Variants in NCK1 observed in about 807,000 individuals in gnomAD.
NCK1 encodes the protein NCK adaptor protein 1.
In NCK1, 19 loss-of-function variants were observed where a neutral mutation model predicts 36.6. The observed-to-expected ratio is 0.52, with a 90% CI of 0.36 to 0.76. NCK1 has a LOEUF of 0.76. Ranked by LOEUF, NCK1 falls within the 30% of genes least tolerant of loss-of-function variation. The pLI, the probability that NCK1 is intolerant of heterozygous loss-of-function variation, is 0.00. For synonymous variants in NCK1, 165 were observed against 156.0 expected, an observed-to-expected ratio of 1.06 and a Z score of -0.43; for missense variants, 358 against 445.6, an observed-to-expected ratio of 0.80 and a Z score of 1.77.
In NCK1 at chr3:136,946,246, A is replaced by G; in HGVS notation, c.890A>G (p.Asn297Ser). 6.2e-7 allele frequency: 1 copy of G among 1,613,526 alleles called. No homozygotes were observed. The highest frequency in any genetic ancestry group is 1.1e-5 in the South Asian group (1 of 91,050). Reference protein sequence around the residue: ...VTRHQAEMALNERGHEGDFLI... With the variant: ...VTRHQAEMALSERGHEGDFLI... ...AGGCATCAAGCAGAAATGGCATTAA[A>G]TGAAAGAGGACATGAAGGGGATTTC... The change falls in exon 3 of 4, where the codon AAT becomes AGT. Residue 297 changes from asparagine (N) to serine (S), a missense_variant. Transcript: ENST00000481752.
intron 2 of NCK1, among the ~76,000 whole-genome samples, chr3:136,942,096 C>T (rs1940693985): frequency 6.6e-6 from 1 of 152,186 alleles, no homozygotes; most frequent in South Asian, 2.1e-4. Flanking sequence ...CCGCTGTCTC[C>T]CAAAGTGCTG....
In NCK1 at chr3:136,935,740, T is replaced by A. The variant is rs550185058; in HGVS notation, c.226+7513T>A. 1.5e-4 allele frequency among the ~76,000 whole-genome samples: 23 copies of A among 152,336 alleles called. No individual in the cohort carries two copies. In the South Asian group the frequency reaches 4.8e-3, roughly 32 times the overall value. ...AGGTAAAATTTGTATAACATAAAAT[T>A]AACCATTTTAAAGTATGTAATTCAG... On this transcript the variant is annotated intron_variant, in intron 2 of 3. Transcript: ENST00000481752.
At chr3:136,938,704 G>A (rs1193217594) in intron 2 of NCK1, among the ~76,000 whole-genome samples, 1 of 152,180 alleles carries the variant, frequency 6.6e-6, no homozygotes, top group African/African-American at 2.4e-5. Flanking sequence ...TGAATTCTAT[G>A]TTAATCACAA....
intron 1 of NCK1, among the ~76,000 whole-genome samples, chr3:136,864,064 G>T (rs1432939137): frequency 6.6e-6 from 1 of 151,510 alleles, no homozygotes; most frequent in Non-Finnish European, 1.5e-5. Flanking sequence ...TCGCGCCACT[G>T]CACTCCAGCC....
chr3:136,876,416 TAAAGA>T (rs966966277), intron 1 of NCK1, among the ~76,000 whole-genome samples: 15 of 151,780 alleles, frequency 9.9e-5, no homozygotes, highest in African/African-American at 2.9e-4. Context: ...GCAAGACTAA[TAAAGA>T]AAAAGAGAAG....
chr3:136,872,570 G>A (rs189855790), intron 1 of NCK1, among the ~76,000 whole-genome samples: 1 of 152,306 alleles, frequency 6.6e-6, no homozygotes, highest in East Asian at 1.9e-4. Context: ...CATAGGTAAT[G>A]AGGAGCTGAA....
At chr3:136,939,365 TCTAG>T (rs1940612511) in intron 2 of NCK1, among the ~76,000 whole-genome samples, 1 of 152,178 alleles carries the variant, frequency 6.6e-6, no homozygotes, top group Non-Finnish European at 1.5e-5. Context: ...CTCTTGTTGG[TCTAG>T]CTAAAGAGTT....
chr3:136,891,244 C>T (rs1485867372), intron 1 of NCK1, among the ~76,000 whole-genome samples: 2 of 152,350 alleles, frequency 1.3e-5, no homozygotes, highest in South Asian at 2.1e-4. Flanking sequence ...AAGTAATTCT[C>T]CTGCCTCAGC....
chr3:136,887,032 C>CG (rs1357809028), intron 1 of NCK1, among the ~76,000 whole-genome samples: 2 of 151,936 alleles, frequency 1.3e-5, no homozygotes, highest in Non-Finnish European at 2.9e-5. Flanking sequence ...TTAGTAGAGA[C>CG]GGGGTTTCAT....
intron 2 of NCK1, among the ~76,000 whole-genome samples, chr3:136,942,861 C>CT (rs1473558479): frequency 1.2e-4 from 19 of 152,212 alleles, no homozygotes; most frequent in Non-Finnish European, 1.5e-5. Flanking sequence ...GGAAGACTCC[C>CT]TATGCCTGGG....
At position 136,950,119 on chromosome 3, in the gene NCK1, A is replaced by G. The variant is rs1940934296; in HGVS notation, c.*1666A>G. ...ATGCTTATCTTTGCTGTAAAATCAAATGAATATAAATTGAGGAAAACTTTA... is the reference window on the plus strand; with the variant it reads ...ATGCTTATCTTTGCTGTAAAATCAAGTGAATATAAATTGAGGAAAACTTTA... On this transcript the variant is annotated 3_prime_UTR_variant, in exon 4 of 4. Transcript: ENST00000481752. Among the ~76,000 whole-genome samples, 1 of 152,160 alleles carries G rather than the reference A, an allele frequency of 6.6e-6. No individual in the cohort carries two copies.
chr3:136,920,016 A>G (rs1376840993), intron 1 of NCK1, among the ~76,000 whole-genome samples: 1 of 152,126 alleles, frequency 6.6e-6, no homozygotes, highest in Non-Finnish European at 1.5e-5. Context: ...AGGGGGAGAA[A>G]GTCCCCAATT....
At chr3:136,915,730 G>A (rs561011068) in intron 1 of NCK1, among the ~76,000 whole-genome samples, 44 of 142,400 alleles carry the variant, frequency 3.1e-4, no homozygotes, top group Non-Finnish European at 5.6e-4. Context: ...TTTTGCTTTT[G>A]TTTTTTTTTT....
At chr3:136,864,495 C>A (rs1394723314) in intron 1 of NCK1, among the ~76,000 whole-genome samples, 5 of 147,332 alleles carry the variant, frequency 3.4e-5, no homozygotes, top group East Asian at 2.0e-4. Context: ...CACACACACA[C>A]AAAAAAAAAA....
intron 2 of NCK1, among the ~76,000 whole-genome samples, chr3:136,942,073 C>G (rs1342585640): frequency 6.6e-6 from 1 of 152,068 alleles, no homozygotes; most frequent in East Asian, 1.9e-4. Context: ...CTCCTGACCT[C>G]GTGATCCACC....
chr3:136,924,054 G>A (rs1410611577), intron 1 of NCK1, among the ~76,000 whole-genome samples: 1 of 152,126 alleles, frequency 6.6e-6, no homozygotes, highest in Non-Finnish European at 1.5e-5. Context: ...GTTGATCTAG[G>A]CAGTGATCAT....
In NCK1 at chr3:136,874,481, G is replaced by A. The variant is rs367927408; in HGVS notation, c.-19+12128G>A. 4.8e-4 allele frequency among the ~76,000 whole-genome samples: 73 copies of A among 152,228 alleles called. 1 individual carries two copies. The highest frequency in any genetic ancestry group is 1.6e-3 in the African/African-American group (66 of 41,560). On this transcript the variant is annotated intron_variant, in intron 1 of 3. Coordinates refer to ENST00000481752, the MANE Select transcript of NCK1 (RefSeq NM_001291999.2). Reference sequence around the variant, plus strand: ...AGGCGTGAGCCACCACGCCCGGCCCGTTTACAGGTCTTTAATGAACTTATA... The same window carrying A: ...AGGCGTGAGCCACCACGCCCGGCCCATTTACAGGTCTTTAATGAACTTATA...
intron 1 of NCK1, among the ~76,000 whole-genome samples, chr3:136,913,635 G>A (rs55964045): frequency 0.024 from 3,602 of 152,100 alleles, 71 homozygotes; most frequent in Non-Finnish European, 0.037. Flanking sequence ...TCCTGGACAT[G>A]CACAGTGATT....
intron 1 of NCK1, chr3:136,899,095 G>C (rs1352329563): frequency 5.6e-6 from 1 of 177,758 alleles, no homozygotes; most frequent in Non-Finnish European, 1.2e-5. Context: ...TGGATGCAAA[G>C]GTTTAACTGG....
Sources: allele counts gnomAD v4.1 joint callset (sites outside exome capture counted in the v4.1 genomes callset), GRCh38; gene constraint gnomAD v4.1.1; transcripts MANE v1.5; gene names NCBI Gene and HGNC (gene_info 2026-07-23, HGNC 2026-07-21).